Variants in FLT3 observed in about 807,000 individuals in gnomAD.
FLT3 encodes fms related receptor tyrosine kinase 3, also known as receptor-type tyrosine-protein kinase FLT3.
FLT3 carries 46 observed loss-of-function variants against 126.6 expected under a neutral mutation model. The ratio of observed to expected loss-of-function variants is 0.36; its 90% CI spans 0.29 to 0.46. The LOEUF (loss-of-function observed/expected upper bound fraction) is 0.46. Among genes scored for constraint, FLT3 ranks in the 20% least tolerant of loss-of-function variants. FLT3 has a pLI of 1.00. For synonymous variants in FLT3, 404 were observed against 434.4 expected (o/e 0.93, Z 0.87); for missense variants, 1,069 against 1,190.3 (o/e 0.90, Z 1.50).
chr13:28,070,691 CAACAA>C (rs1877429690), intron 1 of FLT3, 79 bp from the exon 2 acceptor site: 1 of 1,150,096 alleles, frequency 8.7e-7, no homozygotes, highest in African/African-American at 1.5e-5. Context: ...TGCAACCAAA[CAACAA>C]AACAAAGTGT....
intron 1 of FLT3, among the ~76,000 whole-genome samples, chr13:28,071,640 A>G (rs974477330): frequency 6.6e-6 from 1 of 151,972 alleles, no homozygotes. Flanking sequence ...TTGTGGCTCA[A>G]TCTCTGTAGG....
At chr13:28,056,746 A>G (rs1876039620) in intron 4 of FLT3, among the ~76,000 whole-genome samples, 1 of 152,230 alleles carries the variant, frequency 6.6e-6, no homozygotes, top group African/African-American at 2.4e-5. Context: ...GGCTATTTAC[A>G]TTCCAATTTT....
Position 28,058,351 on chromosome 13 carries a change from AAAAATAC to A in FLT3, c.369-896_369-890del, listed in dbSNP as rs1876224120. 3.3e-5 allele frequency among the ~76,000 whole-genome samples: 5 copies of A among 151,884 alleles called. No homozygotes were observed. The South Asian group carries it at 1.0e-3, about 32-fold the overall frequency. ...CCAACATGGAGAAACCCTGTCTACTAAAAATACAAAATTAGCTGGGTGGGGTGGCGCA... is the reference window on the plus strand; with the variant it reads ...CCAACATGGAGAAACCCTGTCTACTAAAAATTAGCTGGGTGGGGTGGCGCA... On this transcript the variant is annotated intron_variant, in intron 3 of 23. Transcript: ENST00000241453.
At chr13:28,089,950 A>T (rs1878924572) in intron 1 of FLT3, among the ~76,000 whole-genome samples, 1 of 151,802 alleles carries the variant, frequency 6.6e-6, no homozygotes, top group Non-Finnish European at 1.5e-5. Context: ...CATGTTGGCC[A>T]GGCTGGTCTC....
rs547225692 is a variant in FLT3 at position 28,066,512 on chromosome 13, G to C, written c.165+3979C>G. On this transcript the variant is annotated intron_variant, in intron 2 of 23. Transcript: ENST00000241453. The stretch of plus-strand genomic sequence containing the variant: ...AAGGAAGGGCTTGGAAAAAGATGAG[G>C]AGATGTTGAAAGGACACAGGAGCAA... Among the ~76,000 whole-genome samples, 5 of 152,300 alleles carry C rather than the reference G, an allele frequency of 3.3e-5. No homozygotes were observed. In the South Asian group the frequency reaches 1.0e-3, roughly 32 times the overall value.
intron 1 of FLT3, among the ~76,000 whole-genome samples, chr13:28,070,991 C>CTTTTTTT (rs11408684): frequency 1.2e-4 from 11 of 90,896 alleles, no homozygotes; most frequent in South Asian, 4.6e-4. Flanking sequence ...AGATTTCTAC[C>CTTTTTTT]TTTTTTTTTT....
chr13:28,035,085 C>T (rs938409852), intron 12 of FLT3, among the ~76,000 whole-genome samples: 17 of 152,074 alleles, frequency 1.1e-4, no homozygotes, highest in African/African-American at 4.1e-4. Context: ...CTAGGGTGGG[C>T]AGCCAGGTTT....
chr13:28,045,291 C>G (rs868012834), intron 9 of FLT3, among the ~76,000 whole-genome samples: 12 of 152,184 alleles, frequency 7.9e-5, no homozygotes, highest in African/African-American at 1.7e-4. Flanking sequence ...AGAGGGAAAG[C>G]AACATTACCT....
chr13:28,073,364 AAAAAAG>A, intron 1 of FLT3: 1 of 422,758 alleles, frequency 2.4e-6, no homozygotes, highest in Non-Finnish European at 4.6e-6. Context: ...AAAAAAAAAA[AAAAAAG>A]CATTTTTTAC....
rs758095462 is a variant in FLT3, at chr13:28,024,869, T to C, written c.2282A>G (p.His761Arg). 5 of 1,599,356 alleles carry C rather than the reference T, an allele frequency of 3.1e-6. No individual in the cohort carries two copies. The highest frequency in any genetic ancestry group is 1.7e-6 in the Non-Finnish European group (2 of 1,169,388). The change falls in exon 18 of 24, where the codon CAC becomes CGC. Residue 761 changes from histidine (H) to arginine (R), a missense_variant. Physicochemically the swap from His to Arg is conservative, Grantham distance 29. Transcript: ENST00000241453. ...QISGLHGNSF[H>R]SEDEIEYENQ... The stretch of plus-strand genomic sequence containing the variant: ...TTAGAATAAAATATTACCTTCAGAG[T>C]GAAATGAATTCCCATGAAGCCCTGA...
At chr13:28,014,298 A>G (rs573177970) in intron 23 of FLT3, among the ~76,000 whole-genome samples, 154 bp downstream of exon 23, 3 of 152,240 alleles carry the variant, frequency 2.0e-5, no homozygotes, top group Admixed American at 6.6e-5. Flanking sequence ...ACAAATAAAT[A>G]AAGTCTTACC....
At chr13:28,091,516 C>T (rs926668610) in intron 1 of FLT3, among the ~76,000 whole-genome samples, 3 of 151,958 alleles carry the variant, frequency 2.0e-5, no homozygotes, top group Middle Eastern at 3.2e-3. Context: ...CCACCGCGCC[C>T]GGCCCCCCAT....
Position 28,049,379 on chromosome 13 carries a change from A to G in FLT3, c.1036+5T>C, listed in dbSNP as rs769858392. 1 of 1,611,788 alleles carries G rather than the reference A, an allele frequency of 6.2e-7. No homozygotes were observed. The highest frequency in any genetic ancestry group is 1.1e-5 in the South Asian group (1 of 90,538). On this transcript the variant is annotated splice_donor_5th_base_variant and intron_variant, in intron 8 of 23. Coordinates refer to ENST00000241453, the MANE Select transcript of FLT3 (RefSeq NM_004119.3). ...AATAAAGATTGTGTGAGCAGCCTGC[A>G]TTACCTACGATGGTAACCAAAGCTG...
At chr13:28,033,434 C>T (rs73436978) in intron 15 of FLT3, among the ~76,000 whole-genome samples, 10 of 152,060 alleles carry the variant, frequency 6.6e-5, no homozygotes, top group African/African-American at 2.2e-4. Context: ...GAGGCCGAGG[C>T]GGGCAGATAG....
At chr13:28,029,066 G>A (rs1296010138) in intron 15 of FLT3, among the ~76,000 whole-genome samples, 3 of 152,082 alleles carry the variant, frequency 2.0e-5, no homozygotes, top group Admixed American at 2.0e-4. Context: ...ACAGGCATGA[G>A]CCACCATGCC....
chr13:28,070,544 T>C lies in FLT3; in HGVS notation c.112A>G (p.Ile38Val), dbSNP rs762242697. The change falls in exon 2 of 24, where the codon ATC becomes GTC. Residue 38 changes from isoleucine (I) to valine (V), a missense_variant. Physicochemically the swap from Ile to Val is conservative, Grantham distance 29. Transcript: ENST00000241453. ...GATGAATCATTGTTCTTATGATTGA[T>C]TAAAACACACTTGATCACAGGCAGA... is the stretch of plus-strand genomic sequence containing the variant. ...QDLPVIKCVL[I>V]NHKNNDSSVG... 4 of 1,606,684 alleles carry C rather than the reference T, an allele frequency of 2.5e-6. No homozygotes were observed. In the African/African-American group the frequency reaches 4.0e-5, roughly 16 times the overall value.
chr13:28,062,699 G>A (rs1356437906), intron 2 of FLT3, among the ~76,000 whole-genome samples: 3 of 129,942 alleles, frequency 2.3e-5, no homozygotes, highest in Non-Finnish European at 3.1e-5. Context: ...AGCTGAGATC[G>A]CGCCACTGCA....
At chr13:28,073,464 T>G in intron 1 of FLT3, 1 of 338,574 alleles carries the variant, frequency 3.0e-6, no homozygotes, top group Non-Finnish European at 5.9e-6. Context: ...TGAGACAGTC[T>G]CAGAAAGTAA....
At chr13:28,082,866 G>A (rs1026355694) in intron 1 of FLT3, among the ~76,000 whole-genome samples, 1 of 151,736 alleles carries the variant, frequency 6.6e-6, no homozygotes, top group African/African-American at 2.4e-5. Flanking sequence ...ACCATGCCCA[G>A]CTACTTTTTT....
Sources: gnomAD v4.1 joint callset for allele counts (sites outside exome capture counted in the v4.1 genomes callset) on GRCh38, gnomAD v4.1.1 for gene constraint, MANE v1.5 for transcripts, NCBI Gene and HGNC (gene_info 2026-07-23, HGNC 2026-07-21) for gene names.